The following TJP1 variants were observed in gnomAD, a reference collection of about 807,000 sequenced individuals.
The protein encoded by TJP1 is tight junction protein ZO-1.
In TJP1, 43 loss-of-function variants were observed where a neutral mutation model predicts 194.2. The observed-to-expected ratio is 0.22, with a 90% CI of 0.17 to 0.29. The LOEUF (loss-of-function observed/expected upper bound fraction) is 0.29. Among genes scored for constraint, TJP1 ranks in the 10% least tolerant of loss-of-function variants. The pLI is 1.00. For missense variants in TJP1, 1,971 were observed against 2,185.7 expected (o/e 0.90, Z 1.96); for synonymous variants, 801 against 779.0 (o/e 1.03, Z -0.47).
At chr15:29,893,493 T>C (rs1265798011) in intron 2 of TJP1, among the ~76,000 whole-genome samples, 1 of 152,110 alleles carries the variant, frequency 6.6e-6, no homozygotes, top group Non-Finnish European at 1.5e-5. Context: ...AGAGAGTCCA[T>C]CCACGTGGCC....
At chr15:29,913,189 C>CA (rs540091792) in intron 2 of TJP1, among the ~76,000 whole-genome samples, 73 of 140,074 alleles carry the variant, frequency 5.2e-4, no homozygotes, top group African/African-American at 1.0e-3. Flanking sequence ...AGGGGGATCA[C>CA]AAAAAAAAAA....
At chr15:29,957,567 C>T (rs576695346) in intron 1 of TJP1, among the ~76,000 whole-genome samples, 3 of 152,248 alleles carry the variant, frequency 2.0e-5, no homozygotes, top group Non-Finnish European at 4.4e-5. Context: ...AACGTTCTTC[C>T]CATAATAATC....
intron 2 of TJP1, among the ~76,000 whole-genome samples, chr15:29,840,589 C>A (rs2051189658): frequency 6.6e-6 from 1 of 152,166 alleles, no homozygotes; most frequent in Admixed American, 6.5e-5. Flanking sequence ...CTCCCTACCC[C>A]ATCCCCGCCC....
intron 2 of TJP1, among the ~76,000 whole-genome samples, chr15:29,862,914 C>A (rs1385409612): frequency 6.6e-6 from 1 of 150,844 alleles, no homozygotes; most frequent in African/African-American, 2.4e-5. Flanking sequence ...TCCCAAAGTA[C>A]TGGGATTACA....
chr15:29,856,639 T>A (rs574554166), intron 2 of TJP1, among the ~76,000 whole-genome samples: 1 of 152,292 alleles, frequency 6.6e-6, no homozygotes, highest in South Asian at 2.1e-4. Flanking sequence ...TCTGCATCCG[T>A]GGATTCAACT....
At position 29,704,172 on chromosome 15, in the gene TJP1, G is replaced by A; in HGVS notation, c.5202C>T (p.Asp1734=). 1.3e-6 allele frequency: 2 copies of A among 1,559,730 alleles called. No individual in the cohort carries two copies. The highest frequency in any genetic ancestry group is 1.7e-6 in the Non-Finnish European group (2 of 1,150,708). ...GTGAAGACAGCATACCCGACGAGGA[G>A]TCGGATGATTTTAGAGCAAAAGACC... ...DGWSFALKSS[D]SSSGDPKTWQ... Residue 1734 remains aspartate (D), a synonymous_variant, in exon 27 of 28, where the codon GAC becomes GAT. Coordinates refer to ENST00000614355, the MANE Select transcript of TJP1 (RefSeq NM_001330239.4).
At chr15:29,886,822 T>C (rs920197177) in intron 2 of TJP1, among the ~76,000 whole-genome samples, 14 of 152,058 alleles carry the variant, frequency 9.2e-5, no homozygotes, top group Non-Finnish European at 1.8e-4. Flanking sequence ...GTACATGTCA[T>C]GGGCTCGGTG....
chr15:29,956,822 A>G (rs1379081893), intron 1 of TJP1, among the ~76,000 whole-genome samples: 1 of 152,154 alleles, frequency 6.6e-6, no homozygotes, highest in African/African-American at 2.4e-5. Flanking sequence ...CTGGGAGGTC[A>G]AGGCTACAGT....
rs1398701392 is a variant in TJP1 at position 29,737,325 on chromosome 15, C to T, written c.1346G>A (p.Gly449Asp). The change falls in exon 11 of 28, where the codon GGC (glycine) becomes GAC (aspartate). Residue 449 changes from glycine (G) to aspartate (D), a missense_variant. Gly to Asp is a moderately conservative substitution (Grantham distance 94). Coordinates refer to ENST00000614355, the MANE Select transcript of TJP1 (RefSeq NM_001330239.4). Reference protein sequence around the residue: ...GGNDVGIFVAGVLEDSPAAKE... With the variant: ...GGNDVGIFVADVLEDSPAAKE... ...GGCTGCAGGGCTATCTTCTAGAACG[C>T]CAGCTACAAATATTCCAACATCATT... 2 of 1,614,078 alleles carry T rather than the reference C, an allele frequency of 1.2e-6. No individual in the cohort carries two copies. The highest frequency in any genetic ancestry group is 1.7e-6 in the Non-Finnish European group (2 of 1,180,038).
intron 1 of TJP1, among the ~76,000 whole-genome samples, chr15:29,809,782 G>A (rs756606260): frequency 2.0e-4 from 31 of 151,826 alleles, no homozygotes; most frequent in Non-Finnish European, 3.4e-4. Context: ...GGAGGCAGAC[G>A]TTACAGTGAG....
intron 23 of TJP1, among the ~76,000 whole-genome samples, chr15:29,714,976 T>G (rs1054664737): frequency 6.6e-6 from 1 of 152,222 alleles, no homozygotes; most frequent in African/African-American, 2.4e-5. Context: ...AAATAATAAC[T>G]AAAGGGTACA....
intron 2 of TJP1, among the ~76,000 whole-genome samples, chr15:29,847,739 C>T (rs1029765155): frequency 6.6e-5 from 10 of 151,970 alleles, no homozygotes; most frequent in South Asian, 6.2e-4. Flanking sequence ...GAGCAGAGAT[C>T]GCGCTACTGC....
chr15:29,838,100 T>G (rs1044896563), intron 2 of TJP1, among the ~76,000 whole-genome samples: 3 of 152,220 alleles, frequency 2.0e-5, no homozygotes, highest in Non-Finnish European at 4.4e-5. Flanking sequence ...CACTGTTCTA[T>G]AAAACCTTTT....
chr15:29,828,848 C>A (rs953345126), intron 2 of TJP1, among the ~76,000 whole-genome samples: 4 of 151,876 alleles, frequency 2.6e-5, no homozygotes, highest in African/African-American at 7.3e-5. Flanking sequence ...ATTCTCCTGC[C>A]TCAGCCTCCT....
chr15:29,931,970 TG>T lies in TJP1; in HGVS notation c.306+24261del, dbSNP rs1422499749. ...TGGCATCTGTAAATTGTCATGGTGCTGGTGGGAGTGTAGTAGTGAGGACCAC... is the reference window on the plus strand; with the variant it reads ...TGGCATCTGTAAATTGTCATGGTGCTGTGGGAGTGTAGTAGTGAGGACCAC... On this transcript the variant is annotated intron_variant, in intron 2 of 28. Transcript: ENST00000356107. 3.3e-5 allele frequency among the ~76,000 whole-genome samples: 5 copies of T among 152,326 alleles called. No individual in the cohort carries two copies. The South Asian group carries it at 6.2e-4, about 19-fold the overall frequency.
chr15:29,768,748 C>T (rs370540418), intron 4 of TJP1, among the ~76,000 whole-genome samples: 3 of 152,160 alleles, frequency 2.0e-5, no homozygotes, highest in African/African-American at 7.2e-5. Context: ...ACTTATGAAT[C>T]AACAGTTATA....
intron 15 of TJP1, among the ~76,000 whole-genome samples, chr15:29,729,767 G>C (rs983015679): frequency 2.0e-5 from 3 of 150,092 alleles, no homozygotes; most frequent in Non-Finnish European, 4.4e-5. Flanking sequence ...TTGGAGCCTG[G>C]ATCTGAGATC....
intron 2 of TJP1, among the ~76,000 whole-genome samples, chr15:29,795,871 A>G (rs1369494739): frequency 6.6e-6 from 1 of 152,176 alleles, no homozygotes; most frequent in African/African-American, 2.4e-5. Flanking sequence ...GAAATCCACC[A>G]TATCAACAGA....
Position 29,848,599 on chromosome 15 carries a change from C to T in TJP1, c.307-47897G>A, listed in dbSNP as rs140495473. Among the ~76,000 whole-genome samples, 523 of 151,850 alleles carry T rather than the reference C, an allele frequency of 3.4e-3. 5 individuals carry two copies. The highest frequency in any genetic ancestry group is 0.012 in the African/African-American group (496 of 41,416). Reference sequence around the variant, plus strand: ...ACTATTGGCTGGGCATGGTGGCTCACGCCTGTAATTCCAGCACTTTGGGAA... The same window carrying T: ...ACTATTGGCTGGGCATGGTGGCTCATGCCTGTAATTCCAGCACTTTGGGAA... On this transcript the variant is annotated intron_variant, in intron 2 of 28. Transcript: ENST00000356107.
Sources: gnomAD v4.1 joint callset for allele counts (sites outside exome capture counted in the v4.1 genomes callset) on GRCh38, gnomAD v4.1.1 for gene constraint, MANE v1.5 for transcripts, NCBI Gene and HGNC (gene_info 2026-07-23, HGNC 2026-07-21) for gene names.